The following TMEM184B variants were observed in gnomAD, a reference collection of about 807,000 sequenced individuals.
The protein encoded by TMEM184B is transmembrane protein 184B.
Under a neutral mutation model 41.8 loss-of-function variants are expected in TMEM184B, and 17 were observed. The ratio of observed to expected loss-of-function variants is 0.41; its 90% CI spans 0.28 to 0.61. The LOEUF (loss-of-function observed/expected upper bound fraction) is 0.61. Among genes scored for constraint, TMEM184B ranks in the 20% least tolerant of loss-of-function variants. The pLI is 0.34. For synonymous variants in TMEM184B, 240 were observed against 229.5 expected, an observed-to-expected ratio of 1.05 and a Z score of -0.41; for missense variants, 393 against 557.8, an observed-to-expected ratio of 0.70 and a Z score of 2.98.
rs1046269801 is a variant in TMEM184B, at chr22:38,221,153, T to C, written c.*316A>G. ...GCAGCCGCTGGTCCACACACAAGCA[T>C]TGGGGCCTGGGTGCGGCTGGTCCCA... On this transcript the variant is annotated 3_prime_UTR_variant, in exon 9 of 9. Coordinates refer to ENST00000361906, the MANE Select transcript of TMEM184B (RefSeq NM_012264.5). 1.4e-4 allele frequency: 168 copies of C among 1,187,262 alleles called. No homozygotes were observed. Among genetic ancestry groups the C allele is most frequent in the South Asian group, 1.9e-4 (7 of 37,384 alleles). The allele number at this position is 1,187,262 out of a possible 1,614,324, so 73.5% of individuals were successfully genotyped here.
intron 3 of TMEM184B, among the ~76,000 whole-genome samples, chr22:38,234,572 A>ACAC (rs2145619271): frequency 6.6e-6 from 1 of 152,282 alleles, no homozygotes; most frequent in East Asian, 1.9e-4. Flanking sequence ...AGCCATGGTA[A>ACAC]GTGGAATACA....
Position 38,219,467 on chromosome 22 carries a change from A to G in TMEM184B, c.*2002T>C, listed in dbSNP as rs1445074163. 1 of 985,584 alleles carries G rather than the reference A, an allele frequency of 1.0e-6. No homozygotes were observed. Among genetic ancestry groups the G allele is most frequent in the Admixed American group, 6.2e-5 (1 of 16,248 alleles). 61.1% of individuals were successfully genotyped at this position (985,584 alleles called of 1,614,324 possible). ...AGGAGACTCTGTCTTCTCATACATC[A>G]TACAATTAATTTTTCAAGTATTCTT... is the stretch of plus-strand genomic sequence containing the variant. On this transcript the variant is annotated 3_prime_UTR_variant, in exon 9 of 9. Transcript: ENST00000361906.
chr22:38,256,141 G>A lies in TMEM184B; in HGVS notation c.-58-8122C>T, dbSNP rs184207744. 3.1e-3 allele frequency among the ~76,000 whole-genome samples: 475 copies of A among 152,156 alleles called. 1 individual carries two copies. Among genetic ancestry groups the A allele is most frequent in the Non-Finnish European group, 3.5e-3 (235 of 68,016 alleles). On this transcript the variant is annotated intron_variant, in intron 1 of 8. Transcript: ENST00000361906. Reference sequence around the variant, plus strand: ...CAAGGCGGGTGGATCATCTGAGGTCGGGAGTTTGAGAACAGCTTGACCAAC... The same window carrying A: ...CAAGGCGGGTGGATCATCTGAGGTCAGGAGTTTGAGAACAGCTTGACCAAC...
chr22:38,225,438 A>G lies in TMEM184B; in HGVS notation c.773T>C (p.Leu258Pro), dbSNP rs775258437. 6.4e-7 allele frequency: 1 copy of G among 1,572,546 alleles called. No homozygotes were observed. Residue 258 changes from leucine (L) to proline (P), a missense_variant, in exon 7 of 9, where the codon CTT (leucine) becomes CCT (proline). Leu to Pro is a moderately conservative substitution (Grantham distance 98). This residue lies in a region of TMEM184B where 271 missense variants were observed against 434.1 expected (regional missense o/e 0.62). Transcript: ENST00000361906. The surrounding 1 kb of genome is among the most constrained non-coding windows in gnomAD (Gnocchi z 4.4). ...KFFMVKSVIF[L>P]SFWQGMLLAI... is the part of the protein sequence containing the mutation. ...AGGGGGCTCACCTTGCCAGAAGGAA[A>G]GAAAGATGACGGACTTGACCATGAA...
chr22:38,271,048 T>C (rs1228791591), intron 1 of TMEM184B, among the ~76,000 whole-genome samples: 1 of 152,152 alleles, frequency 6.6e-6, no homozygotes, highest in East Asian at 1.9e-4. Context: ...GCTCTTTGAA[T>C]AACCCACCAC....
Position 38,225,486 on chromosome 22 carries a change from G to A in TMEM184B, c.725C>T (p.Pro242Leu), listed in dbSNP as rs1469518141. Residue 242 changes from proline to leucine, a missense_variant, in exon 7 of 9, where the codon CCC becomes CTC. By Grantham distance (98) the Pro-to-Leu change is moderately conservative. Coordinates refer to ENST00000361906, the MANE Select transcript of TMEM184B (RefSeq NM_012264.5). The surrounding 1 kb of genome is among the most constrained non-coding windows in gnomAD (Gnocchi z 4.4). ...FYFATRELLSPYSPVLKFFMV... is the reference protein window; with the variant it reads ...FYFATRELLSLYSPVLKFFMV... The stretch of plus-strand genomic sequence containing the variant: ...GAAGAACTTGAGGACGGGGCTGTAG[G>A]GGCTGAGCAGCTCCCGGGTGGCGAA... 2 of 1,594,980 alleles carry A rather than the reference G, an allele frequency of 1.3e-6. No homozygotes were observed. Among genetic ancestry groups the A allele is most frequent in the East Asian group, 2.3e-5 (1 of 43,408 alleles).
At position 38,220,504 on chromosome 22, in the gene TMEM184B, C is replaced by A. The variant is rs1337801374; in HGVS notation, c.*965G>T. On this transcript the variant is annotated 3_prime_UTR_variant, in exon 9 of 9. Coordinates refer to ENST00000361906, the MANE Select transcript of TMEM184B (RefSeq NM_012264.5). Reference sequence around the variant, plus strand: ...CCCAGCTCCCCACTGTGTGGCCACCCCTCCCGGTCTCCCTGCCGGACTGCC... The same window carrying A: ...CCCAGCTCCCCACTGTGTGGCCACCACTCCCGGTCTCCCTGCCGGACTGCC... 4 of 985,848 alleles carry A rather than the reference C, an allele frequency of 4.1e-6. No homozygotes were observed. Among genetic ancestry groups the A allele is most frequent in the Non-Finnish European group, 4.8e-6 (4 of 830,050 alleles). The allele number at this position is 985,848 out of a possible 1,614,324, so 61.1% of individuals were successfully genotyped here.
chr22:38,263,074 T>C (rs2092394520), intron 1 of TMEM184B, among the ~76,000 whole-genome samples: 1 of 152,044 alleles, frequency 6.6e-6, no homozygotes, highest in Non-Finnish European at 1.5e-5. Flanking sequence ...GGCTAATTTG[T>C]GTATTTTTAG....
intron 3 of TMEM184B, among the ~76,000 whole-genome samples, chr22:38,243,364 G>A (rs538168838): frequency 3.6e-4 from 55 of 152,276 alleles, no homozygotes; most frequent in Middle Eastern, 3.4e-3. Context: ...TCTGCCATGC[G>A]CCTGTCTTTG....
chr22:38,262,724 G>T (rs1273863213), intron 1 of TMEM184B, among the ~76,000 whole-genome samples: 1 of 152,180 alleles, frequency 6.6e-6, no homozygotes, highest in South Asian at 2.1e-4. Context: ...GGGACCGGGG[G>T]TCGTATTTAC....
At chr22:38,246,570 T>C (rs1427117935) in intron 2 of TMEM184B, 16 of 287,926 alleles carry the variant, frequency 5.6e-5, no homozygotes, top group African/African-American at 2.0e-4. Flanking sequence ...CCTTAACTTA[T>C]GGCAAGACAG....
At position 38,247,874 on chromosome 22, in the gene TMEM184B, C is replaced by T; in HGVS notation, c.88G>A (p.Gly30Ser). 3 of 1,612,664 alleles carry T rather than the reference C, an allele frequency of 1.9e-6. No individual in the cohort carries two copies. Among genetic ancestry groups the T allele is most frequent in the Non-Finnish European group, 2.5e-6 (3 of 1,179,670 alleles). ...GGCTGCTCCATGGCAGTGGGGCTGC[C>T]CTCGGGGATCACGGAGACGCTGGGC... ...ASPSVSVIPE[G>S]SPTAMEQPVF... The change falls in exon 2 of 9, where the codon GGC becomes AGC. Residue 30 changes from glycine (G) to serine (S), a missense_variant. Physicochemically the swap from Gly to Ser is moderately conservative, Grantham distance 56. This residue lies in a region of TMEM184B where 122 missense variants were observed against 123.7 expected (regional missense o/e 0.99). Coordinates refer to ENST00000361906, the MANE Select transcript of TMEM184B (RefSeq NM_012264.5).
chr22:38,221,493 C>T lies in TMEM184B; in HGVS notation c.1200G>A (p.Leu400=). 6.2e-7 allele frequency: 1 copy of T among 1,612,412 alleles called. No individual in the cohort carries two copies. Among genetic ancestry groups the T allele is most frequent in the Non-Finnish European group, 8.5e-7 (1 of 1,179,524 alleles). Residue 400 remains leucine (L), a synonymous_variant, in exon 9 of 9, where the codon CTG becomes CTA. Transcript: ENST00000361906. Reference sequence around the variant, plus strand: ...CCTAGAATTCATCATCAGAGCTGAGCAGGAGAGTCTTCTCGTTGTCGCGGG... The same window carrying T: ...CCTAGAATTCATCATCAGAGCTGAGTAGGAGAGTCTTCTCGTTGTCGCGGG... ...SGARDNEKTL[L]LSSDDEF is the part of the protein sequence containing the mutation.
chr22:38,216,869 C>A (rs1003794751), downstream of TMEM184B, among the ~76,000 whole-genome samples: 3 of 151,784 alleles, frequency 2.0e-5, no homozygotes, highest in African/African-American at 7.3e-5. Context: ...CATAGTGACA[C>A]CCCATCTCTA....
At chr22:38,271,461 G>A (rs1381142627) in intron 1 of TMEM184B, among the ~76,000 whole-genome samples, 1 of 152,186 alleles carries the variant, frequency 6.6e-6, no homozygotes, top group Non-Finnish European at 1.5e-5. Context: ...CACAGCTGCT[G>A]TGCAAATTAC....
chr22:38,268,976 G>C (rs1373281884), intron 1 of TMEM184B, among the ~76,000 whole-genome samples: 1 of 152,248 alleles, frequency 6.6e-6, no homozygotes, highest in Admixed American at 6.5e-5. Context: ...AGCTCCATCA[G>C]ACATTGGTCA....
Position 38,243,656 on chromosome 22 carries a change from C to T in TMEM184B, c.358+2279G>A, listed in dbSNP as rs930783946. On this transcript the variant is annotated intron_variant, in intron 3 of 8. Transcript: ENST00000361906. The stretch of plus-strand genomic sequence containing the variant: ...AGTTAAGCCCTGAGCAGGTCCCCAT[C>T]TGGCCTCAGTATTCTCATCTGGAAG... Among the ~76,000 whole-genome samples the T allele has an allele frequency of 5.3e-5, 8 of 152,204 alleles. No individual in the cohort carries two copies. In the East Asian group the frequency reaches 1.3e-3, roughly 26 times the overall value.
chr22:38,236,886 T>C (rs2091786262), intron 3 of TMEM184B, among the ~76,000 whole-genome samples: 1 of 152,124 alleles, frequency 6.6e-6, no homozygotes, highest in Non-Finnish European at 1.5e-5. Flanking sequence ...TCAGCAGACT[T>C]TCTAAAGCAG....
chr22:38,233,822 T>G (rs1311235563), intron 3 of TMEM184B, among the ~76,000 whole-genome samples: 1 of 152,240 alleles, frequency 6.6e-6, no homozygotes, highest in African/African-American at 2.4e-5. Flanking sequence ...TAGGCTGGAG[T>G]GCAGTGGCAC....
Sources: allele counts gnomAD v4.1 joint callset (sites outside exome capture counted in the v4.1 genomes callset), GRCh38; gene constraint gnomAD v4.1.1; regional missense constraint gnomAD v4.1.1; non-coding constraint Gnocchi (gnomAD v3.1); transcripts MANE v1.5; gene names NCBI Gene and HGNC (gene_info 2026-07-23, HGNC 2026-07-21).